PFDN1: variants seen among roughly 807,000 people sequenced by gnomAD.
The protein encoded by PFDN1 is prefoldin subunit 1, also known as prefoldin 1.
In PFDN1, 6 loss-of-function variants were observed where a neutral mutation model predicts 17.3. The observed-to-expected ratio is 0.35, with a 90% CI of 0.19 to 0.69. The LOEUF is 0.69. Among genes scored for constraint, PFDN1 ranks in the 30% least tolerant of loss-of-function variants. The pLI is 0.65. For synonymous variants in PFDN1, 58 were observed against 50.1 expected (o/e 1.16, Z -0.67); for missense variants, 113 against 146.2 (o/e 0.77, Z 1.17).
At chr5:140,250,684 G>A (rs980917216) in intron 3 of PFDN1, among the ~76,000 whole-genome samples, 1 of 152,192 alleles carries the variant, frequency 6.6e-6, no homozygotes, top group Non-Finnish European at 1.5e-5. Flanking sequence ...GGGAAATGAC[G>A]CCTTACTGAT....
At chr5:140,260,626 C>A (rs1299310687) in intron 3 of PFDN1, among the ~76,000 whole-genome samples, 1 of 148,304 alleles carries the variant, frequency 6.7e-6, no homozygotes, top group African/African-American at 2.5e-5. Flanking sequence ...TTATAAACAC[C>A]CAAAACAGGC....
intron 2 of PFDN1, among the ~76,000 whole-genome samples, chr5:140,300,001 A>C (rs1428610961): frequency 6.6e-6 from 1 of 152,050 alleles, no homozygotes; most frequent in Non-Finnish European, 1.5e-5. Context: ...GATATAGCGA[A>C]AACTCCGTCT....
intron 3 of PFDN1, among the ~76,000 whole-genome samples, chr5:140,255,776 CCTT>C (rs1764976937): frequency 6.6e-6 from 1 of 152,162 alleles, no homozygotes; most frequent in Non-Finnish European, 1.5e-5. Context: ...TCTGCAAGAT[CCTT>C]CTTGGTGAGG....
At chr5:140,280,629 G>A (rs979270030) in intron 3 of PFDN1, among the ~76,000 whole-genome samples, 4 of 152,254 alleles carry the variant, frequency 2.6e-5, no homozygotes, top group Non-Finnish European at 5.9e-5. Flanking sequence ...ATTCAGCAGA[G>A]GGCTGAGTTA....
chr5:140,302,613 C>T (rs1009675340), intron 1 of PFDN1, among the ~76,000 whole-genome samples: 5 of 152,132 alleles, frequency 3.3e-5, no homozygotes, highest in African/African-American at 9.7e-5. Context: ...GAATAAATGG[C>T]CTAAAAACAA....
At chr5:140,253,412 T>C (rs1361911205) in intron 3 of PFDN1, among the ~76,000 whole-genome samples, 1 of 152,146 alleles carries the variant, frequency 6.6e-6, no homozygotes, top group Non-Finnish European at 1.5e-5. Flanking sequence ...TTACAGCAGA[T>C]ATACACGAGG....
At chr5:140,264,850 A>T (rs1765114426) in intron 3 of PFDN1, among the ~76,000 whole-genome samples, 1 of 152,184 alleles carries the variant, frequency 6.6e-6, no homozygotes. Context: ...ATCTCCAAAA[A>T]ATAAAATAAA....
rs138189437 is a variant in PFDN1, at chr5:140,247,518, G to A, written c.286-1461C>T. Among the ~76,000 whole-genome samples the A allele has an allele frequency of 1.6e-3, 248 of 152,148 alleles. 3 individuals carry two copies. Among genetic ancestry groups the A allele is most frequent in the African/African-American group, 5.3e-3 (220 of 41,508 alleles). ...TACACAAATCTTTATCAGTTCTTCC[G>A]TGAACCTCTGATTCCTGTCTGTCCT... On this transcript the variant is annotated intron_variant, in intron 3 of 3. Transcript: ENST00000261813.
intron 2 of PFDN1, chr5:140,293,014 CTT>C (rs1765601027): frequency 6.6e-6 from 1 of 152,052 alleles, no homozygotes; most frequent in Non-Finnish European, 1.5e-5. Context: ...TTATTCCTAA[CTT>C]TGCACTATGA....
intron 2 of PFDN1, among the ~76,000 whole-genome samples, chr5:140,294,320 A>T (rs1157728953): frequency 6.6e-6 from 1 of 152,046 alleles, no homozygotes; most frequent in Non-Finnish European, 1.5e-5. Context: ...TACTATACTA[A>T]GATTTTTTAA....
At chr5:140,299,090 TATTTTA>T (rs138718021) in intron 2 of PFDN1, among the ~76,000 whole-genome samples, 4,203 of 152,258 alleles carry the variant, frequency 0.028, 190 homozygotes, top group African/African-American at 0.096. Flanking sequence ...TTTTTATTTT[TATTTTA>T]CAACACTGAT....
chr5:140,258,902 T>C (rs1368358111), intron 3 of PFDN1, among the ~76,000 whole-genome samples: 1 of 152,152 alleles, frequency 6.6e-6, no homozygotes, highest in African/African-American at 2.4e-5. Context: ...GAGATATAAT[T>C]TTGCATAGAC....
chr5:140,300,526 T>G lies in PFDN1; in HGVS notation c.90A>C (p.Ala30=). The G allele has an allele frequency of 1.2e-6, 2 of 1,613,338 alleles. No individual in the cohort carries two copies. The highest frequency in any genetic ancestry group is 8.5e-7 in the Non-Finnish European group (1 of 1,179,468). Residue 30 remains alanine (A), a synonymous_variant, in exon 2 of 4, where the codon GCA becomes GCC. Transcript: ENST00000261813. ...VIDTQQKVKL[A]DIQIEQLNRT... is the part of the protein sequence containing the mutation. ...TGTTTAGCTGTTCAATCTGTATGTC[T>G]GCGAGCTTCACCTTCTGTTGAGTGT...
At chr5:140,282,580 C>A (rs1451462088) in intron 2 of PFDN1, among the ~76,000 whole-genome samples, 1 of 152,062 alleles carries the variant, frequency 6.6e-6, no homozygotes, top group Non-Finnish European at 1.5e-5. Flanking sequence ...CTGAAAAGCT[C>A]AAAATGTACA....
At chr5:140,297,184 T>C (rs1450973320) in intron 2 of PFDN1, among the ~76,000 whole-genome samples, 1 of 152,208 alleles carries the variant, frequency 6.6e-6, no homozygotes, top group Non-Finnish European at 1.5e-5. Flanking sequence ...TTTTGGATTT[T>C]ATTATAACCA....
chr5:140,267,152 C>T (rs535979058), intron 3 of PFDN1, among the ~76,000 whole-genome samples: 1 of 152,346 alleles, frequency 6.6e-6, no homozygotes, highest in Admixed American at 6.5e-5. Context: ...ACTGGAATCA[C>T]ACATGCTGCG....
At chr5:140,264,565 A>T (rs1205359636) in intron 3 of PFDN1, among the ~76,000 whole-genome samples, 2 of 152,118 alleles carry the variant, frequency 1.3e-5, no homozygotes, top group Non-Finnish European at 2.9e-5. Flanking sequence ...GGGACTAGGC[A>T]TGGTGGGTCA....
At chr5:140,260,274 C>G (rs754762346) in intron 3 of PFDN1, among the ~76,000 whole-genome samples, 30 of 152,078 alleles carry the variant, frequency 2.0e-4, no homozygotes, top group Non-Finnish European at 2.9e-5. Flanking sequence ...TCATATATTG[C>G]TGGTGATTTA....
chr5:140,286,269 C>T (rs61342141), intron 2 of PFDN1, among the ~76,000 whole-genome samples: 26,795 of 150,648 alleles, frequency 0.18, 2,701 homozygotes, highest in South Asian at 0.24. Flanking sequence ...AAAAATTAGC[C>T]GGTGTGGTGG....
Sources: allele counts gnomAD v4.1 joint callset (sites outside exome capture counted in the v4.1 genomes callset), GRCh38; gene constraint gnomAD v4.1.1; transcripts MANE v1.5; gene names NCBI Gene and HGNC (gene_info 2026-07-23, HGNC 2026-07-21).